The following RSU1 variants were observed in gnomAD, a reference collection of about 807,000 sequenced individuals.
RSU1 encodes Ras suppressor protein 1.
A neutral mutation model predicts 31.1 loss-of-function variants in RSU1; 26 were observed. The ratio of observed to expected loss-of-function variants is 0.84; its 90% CI spans 0.61 to 1.16. The LOEUF is 1.16. Among genes scored for constraint, RSU1 ranks in the 50% most tolerant of loss-of-function variants. The probability of loss-of-function intolerance (pLI) is 0.00; values close to 1 mark genes in which losing one functional copy is unlikely to be tolerated. For missense variants in RSU1, 320 were observed against 339.1 expected (o/e 0.94, Z 0.44); for synonymous variants, 164 against 136.3 (o/e 1.20, Z -1.41).
intron 7 of RSU1, among the ~76,000 whole-genome samples, chr10:16,739,275 A>G (rs1475830576): frequency 6.6e-6 from 1 of 151,906 alleles, no homozygotes; most frequent in African/African-American, 2.4e-5. Flanking sequence ...TAGATCCTTG[A>G]GGAATTGCCA....
At chr10:16,684,174 C>T (rs57901121) in intron 8 of RSU1, among the ~76,000 whole-genome samples, 21,132 of 152,194 alleles carry the variant, frequency 0.14, 1,838 homozygotes, top group Middle Eastern at 0.19. Context: ...CGCATTTTCA[C>T]CCACAAAGGA....
At chr10:16,649,695 A>G (rs1834643835) in intron 8 of RSU1, among the ~76,000 whole-genome samples, 1 of 148,662 alleles carries the variant, frequency 6.7e-6, no homozygotes, top group Admixed American at 6.6e-5. Context: ...ATTTAGTATA[A>G]AAATTCTCCG....
intron 7 of RSU1, among the ~76,000 whole-genome samples, chr10:16,716,492 G>T (rs974852729): frequency 4.6e-5 from 7 of 151,862 alleles, no homozygotes; most frequent in Middle Eastern, 3.2e-3. Flanking sequence ...TGGGAAGTCG[G>T]GTAGGGAATG....
chr10:16,744,818 C>A (rs554012633), intron 7 of RSU1, among the ~76,000 whole-genome samples: 2 of 152,278 alleles, frequency 1.3e-5, no homozygotes, highest in Admixed American at 6.5e-5. Flanking sequence ...CTTGCTATGT[C>A]TTTTGTCCAC....
intron 7 of RSU1, among the ~76,000 whole-genome samples, chr10:16,723,361 G>A (rs1836322057): frequency 6.6e-6 from 1 of 152,236 alleles, no homozygotes; most frequent in Non-Finnish European, 1.5e-5. Flanking sequence ...AAGAGATACT[G>A]TTCCTTCTGT....
intron 8 of RSU1, among the ~76,000 whole-genome samples, chr10:16,652,060 G>C (rs936268346): frequency 3.3e-5 from 5 of 152,086 alleles, no homozygotes; most frequent in Admixed American, 3.3e-4. Flanking sequence ...TGTAAATTCT[G>C]AGTGGTGCAG....
chr10:16,748,404 T>C (rs181164842), intron 7 of RSU1: 1 of 152,280 alleles, frequency 6.6e-6, no homozygotes, highest in Non-Finnish European at 1.5e-5. Context: ...CTCCTTCCTC[T>C]GTCTTAGGAG....
chr10:16,678,672 T>G (rs1835274688), intron 8 of RSU1, among the ~76,000 whole-genome samples: 1 of 152,202 alleles, frequency 6.6e-6, no homozygotes, highest in African/African-American at 2.4e-5. Context: ...AGAAATAATC[T>G]TTTCAATAGT....
At chr10:16,776,527 G>T (rs1344979297) in intron 3 of RSU1, among the ~76,000 whole-genome samples, 2 of 150,862 alleles carry the variant, frequency 1.3e-5, no homozygotes, top group African/African-American at 4.9e-5. Context: ...ATAAAACTTA[G>T]GTTTACTACC....
At chr10:16,814,265 C>A (rs1286855753) in intron 2 of RSU1, among the ~76,000 whole-genome samples, 1 of 151,894 alleles carries the variant, frequency 6.6e-6, no homozygotes, top group Non-Finnish European at 1.5e-5. Context: ...CATAGCAAGA[C>A]CCCATCTCTA....
chr10:16,621,539 C>T (rs76942605), intron 8 of RSU1, among the ~76,000 whole-genome samples: 2,029 of 152,156 alleles, frequency 0.013, 46 homozygotes, highest in African/African-American at 0.046. Flanking sequence ...AAAGACATAC[C>T]CAACACTGGG....
Position 16,591,350 on chromosome 10 carries a change from T to A in RSU1, c.*2044A>T, listed in dbSNP as rs949550213. On this transcript the variant is annotated 3_prime_UTR_variant, in exon 9 of 9. Transcript: ENST00000345264. ...ATGCTATAAGGACAATTCCTAAACA[T>A]TGCAGTTTGTGGGGATCTCGGATAA... 1 of 152,202 alleles carries A rather than the reference T, an allele frequency of 6.6e-6. No homozygotes were observed. Among genetic ancestry groups the A allele is most frequent in the East Asian group, 1.9e-4 (1 of 5,194 alleles). The allele number at this position is 152,202 out of a possible 1,614,324, so 9.4% of individuals were successfully genotyped here. A position where few individuals can be genotyped will look rare whatever the true frequency, so the allele number is the denominator to read the frequency against.
chr10:16,620,945 C>A (rs1834059048), intron 8 of RSU1, among the ~76,000 whole-genome samples: 2 of 152,110 alleles, frequency 1.3e-5, no homozygotes, highest in African/African-American at 4.8e-5. Flanking sequence ...ACTGGGCAGT[C>A]CTGAAACCAG....
At chr10:16,805,207 A>AAATAATAAT (rs542547588) in intron 2 of RSU1, among the ~76,000 whole-genome samples, 1 of 151,540 alleles carries the variant, frequency 6.6e-6, no homozygotes. Context: ...ACTCCATCTC[A>AAATAATAAT]AATAATAATA....
At chr10:16,677,728 TTAAAA>T (rs1295622545) in intron 8 of RSU1, among the ~76,000 whole-genome samples, 1 of 152,168 alleles carries the variant, frequency 6.6e-6, no homozygotes, top group Non-Finnish European at 1.5e-5. Context: ...TTCAGAAAAC[TTAAAA>T]TAATATAGCT....
chr10:16,744,045 A>C (rs1008103942), intron 7 of RSU1, among the ~76,000 whole-genome samples: 4 of 151,528 alleles, frequency 2.6e-5, no homozygotes, highest in Non-Finnish European at 4.4e-5. Flanking sequence ...TGCAAGGATC[A>C]CCTGGGCCCA....
intron 8 of RSU1, among the ~76,000 whole-genome samples, chr10:16,687,631 A>G (rs1014019446): frequency 1.3e-5 from 2 of 152,192 alleles, no homozygotes; most frequent in Non-Finnish European, 2.9e-5. Context: ...CTGTCATATT[A>G]AAGAGGGAGG....
chr10:16,784,506 G>C (rs1403818883), intron 2 of RSU1, among the ~76,000 whole-genome samples: 7 of 152,162 alleles, frequency 4.6e-5, no homozygotes, highest in African/African-American at 1.7e-4. Flanking sequence ...ATGGTGGAAG[G>C]CAAAGCTGGA....
At chr10:16,683,635 A>G (rs974935443) in intron 8 of RSU1, among the ~76,000 whole-genome samples, 1 of 152,208 alleles carries the variant, frequency 6.6e-6, no homozygotes, top group Non-Finnish European at 1.5e-5. Flanking sequence ...AAAAGAGGAG[A>G]AACTCTGTAA....
Sources: allele counts gnomAD v4.1 joint callset (sites outside exome capture counted in the v4.1 genomes callset), GRCh38; gene constraint gnomAD v4.1.1; transcripts MANE v1.5; gene names NCBI Gene and HGNC (gene_info 2026-07-23, HGNC 2026-07-21).